The following TTC23 variants were observed in gnomAD, a reference collection of about 807,000 sequenced individuals.
TTC23 encodes the protein tetratricopeptide repeat domain 23, also known as tetratricopeptide repeat protein 23.
In TTC23, 58 loss-of-function variants were observed where a neutral mutation model predicts 55.1. That is an observed-to-expected ratio of 1.05 (90% CI 0.85 to 1.31). The LOEUF is 1.31. TTC23 is among the 50% of genes most tolerant of loss of function. The probability of loss-of-function intolerance (pLI) is 0.00; values close to 1 mark genes in which losing one functional copy is unlikely to be tolerated. For synonymous variants in TTC23, 203 were observed against 199.9 expected (o/e 1.02, Z -0.13); for missense variants, 516 against 534.4 (o/e 0.97, Z 0.34).
intron 9 of TTC23, among the ~76,000 whole-genome samples, chr15:99,185,934 T>A (rs1165549746): frequency 6.6e-6 from 1 of 152,298 alleles, no homozygotes; most frequent in Non-Finnish European, 1.5e-5. Flanking sequence ...AAATAAAAGG[T>A]CTTTTCTCTC....
At chr15:99,222,752 C>A (rs1443075478) in intron 5 of TTC23, among the ~76,000 whole-genome samples, 1 of 152,144 alleles carries the variant, frequency 6.6e-6, no homozygotes, top group African/African-American at 2.4e-5. Flanking sequence ...AATCCCAGCA[C>A]TTTGGGAGGC....
At chr15:99,145,338 T>A (rs1292884882) in intron 12 of TTC23, 1 of 152,184 alleles carries the variant, frequency 6.6e-6, no homozygotes, top group Non-Finnish European at 1.5e-5. Context: ...AAGATATTTT[T>A]AAAATACATA....
intron 3 of TTC23, among the ~76,000 whole-genome samples, chr15:99,237,486 C>T (rs758242134): frequency 2.0e-5 from 3 of 152,026 alleles, no homozygotes; most frequent in Non-Finnish European, 4.4e-5. Flanking sequence ...GAATATGTTG[C>T]GACATGAATA....
At chr15:99,154,398 C>T (rs1319212917) in intron 12 of TTC23, among the ~76,000 whole-genome samples, 3 of 152,138 alleles carry the variant, frequency 2.0e-5, no homozygotes, top group Non-Finnish European at 4.4e-5. Flanking sequence ...AGAGATGCAG[C>T]CTAATGAGAG....
At chr15:99,213,428 T>G (rs1010219035) in intron 8 of TTC23, among the ~76,000 whole-genome samples, 4 of 152,224 alleles carry the variant, frequency 2.6e-5, no homozygotes, top group Non-Finnish European at 5.9e-5. Context: ...TGGAAAGCAC[T>G]CAGAGGAGGT....
chr15:99,194,851 C>A (rs1274479997), intron 9 of TTC23, among the ~76,000 whole-genome samples: 1 of 152,188 alleles, frequency 6.6e-6, no homozygotes, highest in South Asian at 2.1e-4. Flanking sequence ...AGGACAATTG[C>A]TTGAATCTGG....
At chr15:99,178,838 A>G (rs2073852882) in intron 9 of TTC23, among the ~76,000 whole-genome samples, 1 of 152,224 alleles carries the variant, frequency 6.6e-6, no homozygotes, top group Non-Finnish European at 1.5e-5. Flanking sequence ...GAGGAAACCC[A>G]AGATGAGCAC....
rs542697990 is a variant in TTC23 at position 99,247,397 on chromosome 15, T to C, written c.-431+1774A>G. Among the ~76,000 whole-genome samples the C allele has an allele frequency of 3.3e-5, 5 of 152,362 alleles. 1 individual carries two copies. The highest frequency in any genetic ancestry group is 1.2e-4 in the African/African-American group (5 of 41,584). The stretch of plus-strand genomic sequence containing the variant: ...TAGCAGCATTATTCATAATGCTAAA[T>C]ACTGTACTGTATTTACTGTAATACA... On this transcript the variant is annotated intron_variant, in intron 1 of 13. Coordinates refer to ENST00000394132, the MANE Select transcript of TTC23 (RefSeq NM_001288615.3).
intron 9 of TTC23, among the ~76,000 whole-genome samples, chr15:99,192,483 C>A (rs1311500841): frequency 6.6e-6 from 1 of 152,214 alleles, no homozygotes; most frequent in Non-Finnish European, 1.5e-5. Context: ...TGGGCTGTGG[C>A]TTCAGAGGGT....
chr15:99,229,885 A>G (rs1043395670), intron 4 of TTC23, among the ~76,000 whole-genome samples: 2 of 152,214 alleles, frequency 1.3e-5, no homozygotes, highest in African/African-American at 4.8e-5. Flanking sequence ...TCAGATCACC[A>G]CACAGATCAA....
intron 4 of TTC23, among the ~76,000 whole-genome samples, chr15:99,231,881 C>A (rs901282108): frequency 2.0e-5 from 3 of 151,644 alleles, no homozygotes; most frequent in African/African-American, 7.3e-5. Flanking sequence ...CAACCTCTAC[C>A]CCCCAGGTTC....
chr15:99,144,874 A>G (rs576223467), intron 12 of TTC23: 1 of 152,326 alleles, frequency 6.6e-6, no homozygotes. Context: ...CGGGGGAGAA[A>G]TTACTCAGAA....
intron 9 of TTC23, among the ~76,000 whole-genome samples, chr15:99,177,727 C>T (rs2073726320): frequency 4.6e-5 from 7 of 152,160 alleles, no homozygotes; most frequent in Admixed American, 1.3e-4. Flanking sequence ...TTGTTTCTTC[C>T]TATTCAATAT....
chr15:99,243,888 A>G (rs757967681), intron 2 of TTC23, among the ~76,000 whole-genome samples: 1 of 152,192 alleles, frequency 6.6e-6, no homozygotes, highest in Non-Finnish European at 1.5e-5. Flanking sequence ...GTTAGATAGA[A>G]TGAATAAGAT....
At chr15:99,198,087 A>G (rs144641933) in intron 9 of TTC23, among the ~76,000 whole-genome samples, 23 of 151,076 alleles carry the variant, frequency 1.5e-4, no homozygotes, top group Admixed American at 6.6e-4. Context: ...CTCTCCATCA[A>G]CTCTCCCTAG....
intron 4 of TTC23, among the ~76,000 whole-genome samples, chr15:99,229,664 T>G (rs2078770112): frequency 6.6e-6 from 1 of 152,224 alleles, no homozygotes; most frequent in African/African-American, 2.4e-5. Context: ...AGAATACTGA[T>G]TAGCATGTGT....
chr15:99,217,162 TC>T (rs956636197), intron 8 of TTC23, among the ~76,000 whole-genome samples: 2 of 116,178 alleles, frequency 1.7e-5, no homozygotes, highest in African/African-American at 6.2e-5. Context: ...TTTTTTCTCT[TC>T]TTTTTTTTTT....
At chr15:99,197,574 TAGAATTCTATGTCCTCCAAAA>T (rs1596572482) in intron 9 of TTC23, among the ~76,000 whole-genome samples, 1 of 152,172 alleles carries the variant, frequency 6.6e-6, no homozygotes, top group African/African-American at 2.4e-5. Context: ...TTATCCTCTC[TAGAATTCTATGTCCTCCAAAA>T]CAGTGAAAGG....
chr15:99,240,626 T>G (rs973048198), intron 3 of TTC23, among the ~76,000 whole-genome samples: 1 of 152,254 alleles, frequency 6.6e-6, no homozygotes, highest in African/African-American at 2.4e-5. Flanking sequence ...CTACCGGACA[T>G]GAAGGCAGCA....
Sources: gnomAD v4.1 joint callset for allele counts (sites outside exome capture counted in the v4.1 genomes callset) on GRCh38, gnomAD v4.1.1 for gene constraint, MANE v1.5 for transcripts, NCBI Gene and HGNC (gene_info 2026-07-23, HGNC 2026-07-21) for gene names.